DUSP13B: variants seen among roughly 807,000 people sequenced by gnomAD.
DUSP13B encodes the protein dual specificity phosphatase 13B, also known as dual specificity protein phosphatase 13B.
chr10:75,108,193 G>A, the DUSP13B span: 28 of 1,605,906 alleles, frequency 1.7e-5, no homozygotes, highest in East Asian at 2.2e-5. Context: ...AGCTCAAAGC[G>A]GTTGTTTGCC....
At chr10:75,103,939 G>A in the DUSP13B span, 2 of 1,320,734 alleles carry the variant, frequency 1.5e-6, no homozygotes, top group Non-Finnish European at 2.0e-6. Context: ...TAGGCGCCAG[G>A]AGGAGCCAGA....
chr10:75,099,451 G>A, the DUSP13B span: 13 of 1,232,602 alleles, frequency 1.1e-5, no homozygotes, highest in African/African-American at 1.5e-4. Flanking sequence ...CTGGGGCCGG[G>A]AATGGGGGAG....
chr10:75,107,914 A>C, the DUSP13B span: 1 of 1,454,550 alleles, frequency 6.9e-7, no homozygotes, highest in East Asian at 2.5e-5. Flanking sequence ...ATGGGAGGGC[A>C]CTGATGACTG....
chr10:75,096,826 A>C, the DUSP13B span, among the ~76,000 whole-genome samples: 2 of 152,192 alleles, frequency 1.3e-5, no homozygotes, highest in Non-Finnish European at 2.9e-5. Context: ...AACAATTCAA[A>C]TGTCCATATT....
the DUSP13B span, among the ~76,000 whole-genome samples, chr10:75,100,882 G>A: frequency 6.6e-6 from 1 of 152,244 alleles, no homozygotes; most frequent in Non-Finnish European, 1.5e-5. Flanking sequence ...ACGCTGCTCT[G>A]TGTGCCCAAG....
the DUSP13B span, chr10:75,099,030 C>A: frequency 4.0e-5 from 49 of 1,232,316 alleles, no homozygotes; most frequent in Middle Eastern, 1.5e-3. Context: ...TTCCTCCTTA[C>A]CCCCACGACT....
the DUSP13B span, chr10:75,095,429 AAT>A: frequency 1.4e-6 from 1 of 706,310 alleles, no homozygotes; most frequent in Non-Finnish European, 2.4e-6. Flanking sequence ...ACACTCACTG[AAT>A]GGTAGTAGCT....
the DUSP13B span, chr10:75,105,614 G>A: frequency 6.6e-7 from 1 of 1,508,782 alleles, no homozygotes; most frequent in Non-Finnish European, 9.0e-7. Flanking sequence ...GCCCTCACCT[G>A]GCCTCTTCCG....
At chr10:75,108,296 C>T in the DUSP13B span, 14 of 1,498,002 alleles carry the variant, frequency 9.3e-6, no homozygotes, top group Middle Eastern at 5.0e-4. Context: ...GCAGAGGGAC[C>T]GAGCCATTAG....
chr10:75,105,615 G>C, the DUSP13B span: 1 of 1,512,138 alleles, frequency 6.6e-7, no homozygotes, highest in African/African-American at 1.4e-5. Flanking sequence ...CCCTCACCTG[G>C]CCTCTTCCGG....
At chr10:75,099,654 C>G in the DUSP13B span, 3 of 764,568 alleles carry the variant, frequency 3.9e-6, no homozygotes, top group Non-Finnish European at 5.3e-6. Flanking sequence ...GGCCTCCTCT[C>G]TGCTTGGTAT....
At chr10:75,106,393 A>G in the DUSP13B span, among the ~76,000 whole-genome samples, 5 of 151,736 alleles carry the variant, frequency 3.3e-5, no homozygotes, top group African/African-American at 1.2e-4. Flanking sequence ...TGCTATTCCA[A>G]ATACCTGCAA....
chr10:75,096,179 C>T, the DUSP13B span, among the ~76,000 whole-genome samples: 1 of 151,962 alleles, frequency 6.6e-6, no homozygotes, highest in South Asian at 2.1e-4. Flanking sequence ...CACTTAAACC[C>T]AGGAGGCGGA....
chr10:75,095,593 C>CA, the DUSP13B span: 1 of 1,614,046 alleles, frequency 6.2e-7, no homozygotes, highest in Non-Finnish European at 8.5e-7. Flanking sequence ...ACACTGAGGG[C>CA]AGCTCGGATG....
chr10:75,094,666 G>A, the DUSP13B span: 1 of 1,612,840 alleles, frequency 6.2e-7, no homozygotes, highest in Non-Finnish European at 8.5e-7. Context: ...GATCCTGGCT[G>A]CCTGCCAGAT....
chr10:75,108,183 A>G, the DUSP13B span: 1 of 1,608,810 alleles, frequency 6.2e-7, no homozygotes, highest in African/African-American at 1.3e-5. Flanking sequence ...CAGCTTCCAC[A>G]GCTCAAAGCG....
At chr10:75,108,602 G>A in the DUSP13B span, among the ~76,000 whole-genome samples, 5 of 152,104 alleles carry the variant, frequency 3.3e-5, no homozygotes, top group Admixed American at 1.3e-4. Flanking sequence ...ATGTTTAGAG[G>A]CAACACCTTC....
chr10:75,103,962 C>T, the DUSP13B span: 6 of 1,329,300 alleles, frequency 4.5e-6, no homozygotes, highest in Non-Finnish European at 6.0e-6. Flanking sequence ...GAGTAGCAGG[C>T]TCTAGGGCCG....
the DUSP13B span, chr10:75,099,176 A>AG: frequency 2.4e-6 from 3 of 1,229,172 alleles, no homozygotes; most frequent in Non-Finnish European, 3.0e-6. Context: ...CGTGTTGGAG[A>AG]GGGGGTCCTG....
Sources: gnomAD v4.1 joint callset for allele counts (sites outside exome capture counted in the v4.1 genomes callset) on GRCh38, gnomAD v4.1.1 for gene constraint, MANE v1.5 for transcripts, NCBI Gene and HGNC (gene_info 2026-07-23, HGNC 2026-07-21) for gene names.